DISP1: variants seen among roughly 807,000 people sequenced by gnomAD.
DISP1 encodes the protein protein dispatched homolog 1.
Under a neutral mutation model 37.3 loss-of-function variants are expected in DISP1, and 30 were observed. That is an observed-to-expected ratio of 0.80 (90% CI 0.60 to 1.09). The LOEUF (loss-of-function observed/expected upper bound fraction) is 1.09. Among genes scored for constraint, DISP1 ranks in the 50% least tolerant of loss-of-function variants. The probability of loss-of-function intolerance (pLI) is 0.00; values close to 1 mark genes in which losing one functional copy is unlikely to be tolerated. For missense variants in DISP1, 1,598 were observed against 1,879.5 expected (o/e 0.85, Z 2.77); for synonymous variants, 634 against 690.2 (o/e 0.92, Z 1.28).
intron 2 of DISP1, among the ~76,000 whole-genome samples, chr1:222,930,186 A>G (rs1673313138): frequency 6.6e-6 from 1 of 152,008 alleles, no homozygotes. Context: ...TCACTTCTTT[A>G]CCTTCTGTTC....
intron 4 of DISP1, among the ~76,000 whole-genome samples, chr1:222,987,763 T>C (rs1232868965): frequency 6.6e-6 from 1 of 152,226 alleles, no homozygotes; most frequent in Non-Finnish European, 1.5e-5. Context: ...ATGCATAACT[T>C]CTGATTCATT....
intron 1 of DISP1, among the ~76,000 whole-genome samples, chr1:222,916,862 G>A (rs529749367): frequency 1.3e-5 from 2 of 152,118 alleles, no homozygotes; most frequent in Admixed American, 6.6e-5. Flanking sequence ...GAAAGAGTGA[G>A]GGTTGTGATC....
rs980701494 is a variant in DISP1, at chr1:222,893,192, C to G, written c.-158-35238C>G. ...ATAAACCATGCCTTTATTATTAAAT[C>G]TTTTGTGTTAAGAAAACTACTAAAA... On this transcript the variant is annotated intron_variant, in intron 1 of 8. Coordinates refer to ENST00000675850, the MANE Select transcript of DISP1 (RefSeq NM_001377229.1). The surrounding 1 kb of genome is among the most constrained non-coding windows in gnomAD (Gnocchi z 4.3). Among the ~76,000 whole-genome samples, 1 of 152,108 alleles carries G rather than the reference C, an allele frequency of 6.6e-6. No individual in the cohort carries two copies. Among genetic ancestry groups the G allele is most frequent in the East Asian group, 1.9e-4 (1 of 5,202 alleles).
At chr1:222,931,673 G>T (rs961095266) in intron 2 of DISP1, among the ~76,000 whole-genome samples, 7 of 122,298 alleles carry the variant, frequency 5.7e-5, no homozygotes, top group African/African-American at 2.2e-4. Flanking sequence ...TGCTTAAAAT[G>T]CCACCAGGAA....
intron 8 of DISP1, among the ~76,000 whole-genome samples, chr1:222,995,321 T>C (rs1678979522): frequency 6.6e-6 from 1 of 152,220 alleles, no homozygotes; most frequent in Admixed American, 6.5e-5. Context: ...CCTAACCTAG[T>C]TTCATTGTTC....
At chr1:222,904,827 A>G (rs1047801340) in intron 1 of DISP1, among the ~76,000 whole-genome samples, 1 of 152,144 alleles carries the variant, frequency 6.6e-6, no homozygotes, top group African/African-American at 2.4e-5. Context: ...CGGTCTCACA[A>G]AGTGCTGGGA....
intron 1 of DISP1, among the ~76,000 whole-genome samples, chr1:222,821,128 A>T (rs1662768618): frequency 6.6e-6 from 1 of 152,132 alleles, no homozygotes; most frequent in Admixed American, 6.5e-5. Flanking sequence ...TTTTGAATGA[A>T]CAATGCACCT....
chr1:222,915,985 G>A (rs1195804643), intron 1 of DISP1, among the ~76,000 whole-genome samples: 1 of 152,122 alleles, frequency 6.6e-6, no homozygotes, highest in African/African-American at 2.4e-5. Flanking sequence ...TATTTGTCAT[G>A]GCAATTTTCA....
At chr1:222,904,901 A>G (rs1021954908) in intron 1 of DISP1, among the ~76,000 whole-genome samples, 3 of 152,136 alleles carry the variant, frequency 2.0e-5, no homozygotes, top group Admixed American at 6.6e-5. Context: ...TCATTTGATT[A>G]TATTTTTGGA....
In DISP1 at chr1:223,003,875, G is replaced by A. The variant is rs1679675364; in HGVS notation, c.2478G>A (p.Trp826Ter). 1 of 1,614,032 alleles carries A rather than the reference G, an allele frequency of 6.2e-7. No homozygotes were observed. Among genetic ancestry groups the A allele is most frequent in the Admixed American group, 1.7e-5 (1 of 59,996 alleles). The change falls in exon 9 of 9, where the codon TGG (tryptophan) becomes TGA (stop). Residue 826 changes from tryptophan to a stop codon, truncating the protein, a stop_gained. Transcript: ENST00000675850. LOFTEE classifies it low-confidence loss of function (END_TRUNC). This position sits in a 1 kb window ranked among gnomAD's most constrained non-coding sequence, Gnocchi z 4.3. ...FNIASPASQA[W>*]ILHFCQKLRN... ...TCGCCAGCCCAGCTTCCCAGGCCTG[G>A]ATTTTGCACTTCTGTCAAAAACTGA...
At chr1:222,823,268 C>T (rs139084468) in intron 1 of DISP1, among the ~76,000 whole-genome samples, 295 of 152,112 alleles carry the variant, frequency 1.9e-3, no homozygotes, top group African/African-American at 6.5e-3. Context: ...AGCAAAGATA[C>T]GGAATCAACC....
At chr1:222,933,899 A>G (rs1673554352) in intron 2 of DISP1, among the ~76,000 whole-genome samples, 1 of 152,030 alleles carries the variant, frequency 6.6e-6, no homozygotes, top group Admixed American at 6.6e-5. Context: ...TCAGGTCACA[A>G]TTACATTATT....
At chr1:222,920,103 T>C (rs1672729414) in intron 1 of DISP1, among the ~76,000 whole-genome samples, 1 of 152,226 alleles carries the variant, frequency 6.6e-6, no homozygotes, top group African/African-American at 2.4e-5. Flanking sequence ...TAACCTTCTC[T>C]ATAAATGTTT....
chr1:223,005,593 C>T lies in DISP1; in HGVS notation c.4196C>T (p.Thr1399Ile), dbSNP rs535953365. Residue 1399 changes from threonine to isoleucine, a missense_variant, in exon 9 of 9, where the codon ACT becomes ATT. Physicochemically the swap from Thr to Ile is moderately conservative, Grantham distance 89. Transcript: ENST00000675850. ...CCATCGTCATTTGTCTGCAGAAGCA[C>T]TGGATCGTTACTCAAAACGTGTTGC... Reference protein sequence around the residue: ...AEPSSFVCRSTGSLLKTCCDP... With the variant: ...AEPSSFVCRSIGSLLKTCCDP... 7 of 1,614,078 alleles carry T rather than the reference C, an allele frequency of 4.3e-6. No homozygotes were observed. The highest frequency in any genetic ancestry group is 2.2e-5 in the South Asian group (2 of 91,068).
At chr1:222,959,771 A>G (rs543815365) in intron 3 of DISP1, among the ~76,000 whole-genome samples, 2 of 151,520 alleles carry the variant, frequency 1.3e-5, no homozygotes, top group Admixed American at 1.3e-4. Flanking sequence ...AAATAAAGGG[A>G]TGGAGGAAAA....
chr1:222,909,715 G>A (rs1047262908), intron 1 of DISP1, among the ~76,000 whole-genome samples: 3 of 152,104 alleles, frequency 2.0e-5, no homozygotes, highest in Non-Finnish European at 4.4e-5. Flanking sequence ...CATCTCTAAG[G>A]ACCAGGAGGC....
chr1:222,892,667 A>G (rs556343686), intron 1 of DISP1, among the ~76,000 whole-genome samples: 2 of 152,388 alleles, frequency 1.3e-5, no homozygotes, highest in South Asian at 4.1e-4. Flanking sequence ...GAATAAATGC[A>G]AGAGATGATC....
At position 222,824,615 on chromosome 1, in the gene DISP1, CT is replaced by C. The variant is rs201647940; in HGVS notation, c.-159+9548del. 6.5e-3 allele frequency among the ~76,000 whole-genome samples: 946 copies of C among 146,236 alleles called. 3 individuals are homozygous for C. Among genetic ancestry groups the C allele is most frequent in the Middle Eastern group, 0.014 (4 of 280 alleles). ...CTTTAAGTATTTGTTAAATGTAATT[CT>C]TTTTTTTTTTCCAGGATGGTACCAT... is the stretch of plus-strand genomic sequence containing the variant. On this transcript the variant is annotated intron_variant, in intron 1 of 8. Transcript: ENST00000675850.
chr1:222,994,861 T>C (rs550724706), intron 7 of DISP1, 24 bp from the exon 8 acceptor site: 11 of 1,517,968 alleles, frequency 7.2e-6, no homozygotes, highest in African/African-American at 1.4e-5. Context: ...CCTTTTTCTT[T>C]CCTTTTTTTT....
Sources: gnomAD v4.1 joint callset for allele counts (sites outside exome capture counted in the v4.1 genomes callset) on GRCh38, gnomAD v4.1.1 for gene constraint, Gnocchi (gnomAD v3.1) non-coding constraint, MANE v1.5 for transcripts, NCBI Gene and HGNC (gene_info 2026-07-23, HGNC 2026-07-21) for gene names.